Variants in SWAP70 observed in about 807,000 individuals in gnomAD.
SWAP70 encodes the protein switching B cell complex subunit SWAP70.
Under a neutral mutation model 80.2 loss-of-function variants are expected in SWAP70, and 34 were observed. The ratio of observed to expected loss-of-function variants is 0.42; its 90% CI spans 0.32 to 0.56. The LOEUF (loss-of-function observed/expected upper bound fraction) is 0.56. Ranked by LOEUF, SWAP70 falls within the 20% of genes least tolerant of loss-of-function variation. SWAP70 has a pLI of 0.09. For missense variants in SWAP70, 578 were observed against 690.7 expected (o/e 0.84, Z 1.83); for synonymous variants, 239 against 238.5 (o/e 1.00, Z -0.02).
chr11:9,716,420 T>G (rs1851066982), intron 3 of SWAP70, among the ~76,000 whole-genome samples: 1 of 152,152 alleles, frequency 6.6e-6, no homozygotes, highest in African/African-American at 2.4e-5. Flanking sequence ...GTATATTTGT[T>G]TAAAGCATAG....
At chr11:9,667,614 A>G (rs1850324667) in intron 1 of SWAP70, among the ~76,000 whole-genome samples, 1 of 152,070 alleles carries the variant, frequency 6.6e-6, no homozygotes, top group Non-Finnish European at 1.5e-5. Flanking sequence ...CCAGGCTGGA[A>G]TGCGGTGGCG....
At chr11:9,741,233 T>C (rs1851434660) in intron 9 of SWAP70, 1 of 152,218 alleles carries the variant, frequency 6.6e-6, no homozygotes. Flanking sequence ...AAGCCATCTT[T>C]AGTTGTATAT....
intron 8 of SWAP70, among the ~76,000 whole-genome samples, chr11:9,739,201 G>A (rs1359147725): frequency 6.6e-6 from 1 of 152,210 alleles, no homozygotes; most frequent in African/African-American, 2.4e-5. Flanking sequence ...GTCTTAGGTA[G>A]TTAGCTGGTT....
chr11:9,680,717 A>G (rs1367132986), intron 1 of SWAP70, among the ~76,000 whole-genome samples: 13 of 152,196 alleles, frequency 8.5e-5, no homozygotes, highest in Non-Finnish European at 1.5e-5. Flanking sequence ...TACCGATTAC[A>G]TGTTTAAATT....
intron 4 of SWAP70, 55 bp from the exon 5 acceptor site, chr11:9,727,998 G>A (rs1851247439): frequency 6.8e-7 from 1 of 1,467,668 alleles, no homozygotes; most frequent in Non-Finnish European, 9.1e-7. Flanking sequence ...AGGAAGAGAT[G>A]TCAGCTCTTA....
intron 3 of SWAP70, among the ~76,000 whole-genome samples, chr11:9,721,142 T>A (rs947921001): frequency 6.6e-6 from 1 of 152,160 alleles, no homozygotes; most frequent in Non-Finnish European, 1.5e-5. Context: ...TTTTATATCT[T>A]TCTCTTTTCT....
At chr11:9,726,375 CA>C (rs1274062857) in intron 4 of SWAP70, among the ~76,000 whole-genome samples, 3 of 152,004 alleles carry the variant, frequency 2.0e-5, no homozygotes, top group African/African-American at 4.8e-5. Flanking sequence ...TTCTTTCTTC[CA>C]TAGGTAATAG....
chr11:9,674,604 G>GT (rs2134423801), intron 1 of SWAP70, among the ~76,000 whole-genome samples: 1 of 152,186 alleles, frequency 6.6e-6, no homozygotes, highest in Non-Finnish European at 1.5e-5. Context: ...GGAGGAGGAG[G>GT]TTTCAGTGAG....
chr11:9,730,344 AAAG>A (rs1851281510), intron 6 of SWAP70, among the ~76,000 whole-genome samples: 1 of 152,036 alleles, frequency 6.6e-6, no homozygotes, highest in South Asian at 2.1e-4. Context: ...AAAAAAAAAA[AAAG>A]AACATGTATT....
At chr11:9,740,699 G>A in intron 9 of SWAP70, 1 of 324,304 alleles carries the variant, frequency 3.1e-6, no homozygotes. Context: ...AGACCAGAGA[G>A]GGCCATTGGT....
rs577949093 is a variant in SWAP70 at position 9,716,395 on chromosome 11, C to T, written c.414+2756C>T. 5.4e-4 allele frequency among the ~76,000 whole-genome samples: 82 copies of T among 152,256 alleles called. 1 individual carries two copies. Among genetic ancestry groups the T allele is most frequent in the African/African-American group, 1.9e-3 (80 of 41,556 alleles). On this transcript the variant is annotated intron_variant, in intron 3 of 11. Transcript: ENST00000318950. ...AGAGACAAGTTTCAGGCCTGGGCAA[C>T]TGGGGAATAATATAGTATATTTGTT...
intron 3 of SWAP70, among the ~76,000 whole-genome samples, chr11:9,719,104 A>AAAAAAAC (rs1851102923): frequency 6.6e-6 from 1 of 151,058 alleles, no homozygotes; most frequent in African/African-American, 2.4e-5. Flanking sequence ...AAAAAAAAAA[A>AAAAAAAC]AAAAAAGATA....
At chr11:9,695,783 GTT>G (rs915010480) in intron 2 of SWAP70, among the ~76,000 whole-genome samples, 5 of 151,962 alleles carry the variant, frequency 3.3e-5, no homozygotes, top group African/African-American at 9.7e-5. Context: ...AAAAAATCTG[GTT>G]TCATATATAC....
chr11:9,732,558 C>T lies in SWAP70; in HGVS notation c.928C>T (p.Leu310=). ...AIHSTIHLLK[L]GSPPPHKEAR... ...TCATTCTACTATTCATCTGTTGAAG[C>T]TGGGCAGCCCTCCACCACACAAAGA... Residue 310 remains leucine (L), a synonymous_variant, in exon 7 of 12, where the codon CTG becomes TTG. Transcript: ENST00000318950. 6.2e-7 allele frequency: 1 copy of T among 1,606,678 alleles called. No individual in the cohort carries two copies. The highest frequency in any genetic ancestry group is 8.5e-7 in the Non-Finnish European group (1 of 1,175,924).
rs141086848 is a variant in SWAP70, at chr11:9,693,612, A to G, written c.100-534A>G. On this transcript the variant is annotated intron_variant, in intron 1 of 11. Coordinates refer to ENST00000318950, the MANE Select transcript of SWAP70 (RefSeq NM_015055.4). Reference sequence around the variant, plus strand: ...TTTAGATACTTAGAGATTCCTAATTAATATTTGGTATATTAATTTGGCCCT... The same window carrying G: ...TTTAGATACTTAGAGATTCCTAATTGATATTTGGTATATTAATTTGGCCCT... 5.8e-3 allele frequency among the ~76,000 whole-genome samples: 876 copies of G among 152,260 alleles called. 12 individuals are homozygous for G. Among genetic ancestry groups the G allele is most frequent in the African/African-American group, 0.02 (848 of 41,542 alleles).
chr11:9,715,359 C>T (rs1414907217), intron 3 of SWAP70, among the ~76,000 whole-genome samples: 1 of 152,040 alleles, frequency 6.6e-6, no homozygotes, highest in Non-Finnish European at 1.5e-5. Flanking sequence ...GGAGGCTATG[C>T]AATTTGGTCT....
At chr11:9,685,972 G>A (rs1418708668) in intron 1 of SWAP70, among the ~76,000 whole-genome samples, 10 of 152,112 alleles carry the variant, frequency 6.6e-5, no homozygotes, top group Admixed American at 6.5e-4. Context: ...TGGAGATTAA[G>A]TTTCAACATA....
intron 4 of SWAP70, among the ~76,000 whole-genome samples, chr11:9,726,509 G>A (rs1851227381): frequency 6.6e-6 from 1 of 152,174 alleles, no homozygotes; most frequent in East Asian, 1.9e-4. Context: ...GGAATTCTCA[G>A]CCTCTTAGGA....
At chr11:9,723,233 C>T (rs538045293) in intron 3 of SWAP70, among the ~76,000 whole-genome samples, 12 of 152,262 alleles carry the variant, frequency 7.9e-5, no homozygotes, top group South Asian at 2.1e-4. Context: ...ATAGGAGTGA[C>T]AGAGTTCAGA....
Sources: gnomAD v4.1 joint callset for allele counts (sites outside exome capture counted in the v4.1 genomes callset) on GRCh38, gnomAD v4.1.1 for gene constraint, MANE v1.5 for transcripts, NCBI Gene and HGNC (gene_info 2026-07-23, HGNC 2026-07-21) for gene names.